TSBP1: variants seen among roughly 807,000 people sequenced by gnomAD.
TSBP1 encodes testis-expressed basic protein 1.
In TSBP1, 56 loss-of-function variants were observed where a neutral mutation model predicts 68.8. That is an observed-to-expected ratio of 0.81 (90% confidence interval 0.66 to 1.02). TSBP1 has a LOEUF of 1.02. TSBP1 is among the 50% of genes least tolerant of loss of function. The probability of loss-of-function intolerance (pLI) is 0.00; values close to 1 mark genes in which losing one functional copy is unlikely to be tolerated. For missense variants in TSBP1, 502 were observed against 641.2 expected (o/e 0.78, Z 2.34); for synonymous variants, 171 against 208.7 (o/e 0.82, Z 1.56).
intron 6 of TSBP1, among the ~76,000 whole-genome samples, chr6:32,360,880 TCTC>T (rs1354649757): frequency 9.2e-5 from 10 of 108,568 alleles, no homozygotes; most frequent in Admixed American, 2.9e-4. Context: ...TTTTTCTCTC[TCTC>T]TTTTTTTTTA....
At chr6:32,295,350 A>AC (rs1491234107) in intron 22 of TSBP1, among the ~76,000 whole-genome samples, 13,231 of 54,882 alleles carry the variant, frequency 0.24, 766 homozygotes, top group South Asian at 0.43. Context: ...ACACACACAC[A>AC]AAAAAAAAAA....
intron 4 of TSBP1, among the ~76,000 whole-genome samples, chr6:32,367,197 G>A (rs1476537176): frequency 6.6e-6 from 1 of 151,426 alleles, no homozygotes; most frequent in Non-Finnish European, 1.5e-5. Flanking sequence ...GGTTCTTGTT[G>A]AGTTCTGGAG....
chr6:32,353,777 G>T (rs2395148), intron 8 of TSBP1, among the ~76,000 whole-genome samples: 7,070 of 151,998 alleles, frequency 0.047, 243 homozygotes, highest in East Asian at 0.16. Context: ...TTACAAATCA[G>T]CAGAGAAAGA....
chr6:32,332,873 A>C (rs1769211415), intron 14 of TSBP1, among the ~76,000 whole-genome samples: 1 of 152,080 alleles, frequency 6.6e-6, no homozygotes, highest in Non-Finnish European at 1.5e-5. Context: ...TTAGCCTCCC[A>C]AAGTGCAGAA....
At chr6:32,317,389 T>C (rs367793777) in intron 18 of TSBP1, among the ~76,000 whole-genome samples, 36 of 152,182 alleles carry the variant, frequency 2.4e-4, no homozygotes, top group African/African-American at 8.2e-4. Flanking sequence ...ATTCTGGACA[T>C]AGGAATGGGC....
Position 32,340,541 on chromosome 6 carries a change from T to G in TSBP1, c.350-903A>C, listed in dbSNP as rs896352941. On this transcript the variant is annotated intron_variant, in intron 9 of 22. Coordinates refer to ENST00000612031, the Ensembl canonical transcript of TSBP1. This position sits in a 1 kb window ranked among gnomAD's most constrained non-coding sequence, Gnocchi z 4.8. The stretch of plus-strand genomic sequence containing the variant: ...AAGGACAGTTTTCATATACTTAATT[T>G]TTTAAGATTTAAGATATTAACCTAT... Among the ~76,000 whole-genome samples, 1 of 152,196 alleles carries G rather than the reference T, an allele frequency of 6.6e-6. No homozygotes were observed. The highest frequency in any genetic ancestry group is 1.5e-5 in the Non-Finnish European group (1 of 68,038).
chr6:32,331,762 A>G (rs930616610), intron 15 of TSBP1, among the ~76,000 whole-genome samples: 1 of 152,182 alleles, frequency 6.6e-6, no homozygotes, highest in African/African-American at 2.4e-5. Flanking sequence ...TGTAAGCAGC[A>G]GTGGGCACTG....
At chr6:32,348,893 T>C (rs572940927) in intron 9 of TSBP1, among the ~76,000 whole-genome samples, 1 of 152,324 alleles carries the variant, frequency 6.6e-6, no homozygotes, top group African/African-American at 2.4e-5. Flanking sequence ...ATGAATTTAT[T>C]ACTGTTTTGC....
chr6:32,338,962 G>A lies in TSBP1; in HGVS notation c.409+17C>T. The A allele has an allele frequency of 6.2e-7, 1 of 1,602,016 alleles. No individual in the cohort carries two copies. The highest frequency in any genetic ancestry group is 8.5e-7 in the Non-Finnish European group (1 of 1,170,094). ...AAGCAAAGCACATGAGAATTAAAGGGCAGAAAAAGAACTTACTCATGGCTC... is the reference window on the plus strand; with the variant it reads ...AAGCAAAGCACATGAGAATTAAAGGACAGAAAAAGAACTTACTCATGGCTC... On this transcript the variant is annotated intron_variant, in intron 11 of 22. Transcript: ENST00000612031. The surrounding 1 kb of genome is among the most constrained non-coding windows in gnomAD (Gnocchi z 5.5).
chr6:32,358,521 C>T (rs964750800), intron 6 of TSBP1, among the ~76,000 whole-genome samples: 7 of 151,880 alleles, frequency 4.6e-5, no homozygotes, highest in African/African-American at 7.3e-5. Flanking sequence ...CCCATTAACT[C>T]GTCATTTACA....
At chr6:32,324,835 C>A in intron 16 of TSBP1, 3 of 1,060,230 alleles carry the variant, frequency 2.8e-6, no homozygotes, top group Non-Finnish European at 4.0e-6. Flanking sequence ...TAATTATCAG[C>A]TGGTTGAATT....
At chr6:32,334,039 C>A in intron 14 of TSBP1, 2 of 217,654 alleles carry the variant, frequency 9.2e-6, no homozygotes, top group South Asian at 5.0e-5. Context: ...CTTATGATAC[C>A]TGCCCTCTTG....
chr6:32,296,231 C>T (rs542823700), intron 22 of TSBP1, among the ~76,000 whole-genome samples: 9 of 148,264 alleles, frequency 6.1e-5, no homozygotes, highest in African/African-American at 2.1e-4. Flanking sequence ...AATTGGCATA[C>T]ACATAACTTC....
At chr6:32,305,185 T>C (rs1765677071) in intron 19 of TSBP1, among the ~76,000 whole-genome samples, 1 of 152,166 alleles carries the variant, frequency 6.6e-6, no homozygotes, top group Non-Finnish European at 1.5e-5. Flanking sequence ...CGTTTAGGAT[T>C]AAAACAAGTT....
rs182774255 is a variant in TSBP1, at chr6:32,335,090, T to A, written c.472+347A>T. On this transcript the variant is annotated intron_variant, in intron 14 of 22. Transcript: ENST00000612031. The surrounding 1 kb of genome is among the most constrained non-coding windows in gnomAD (Gnocchi z 5.5). ...GCATTATTTTACAAAGTGAAGATAA[T>A]CTAATAATGGAAAAATTATTTGCAT... Among the ~76,000 whole-genome samples, 154 of 152,230 alleles carry A rather than the reference T, an allele frequency of 1.0e-3. No individual in the cohort carries two copies. The highest frequency in any genetic ancestry group is 3.2e-3 in the African/African-American group (131 of 41,542).
In TSBP1 at chr6:32,361,746, C is replaced by T. The variant is rs550253128; in HGVS notation, c.217+4421G>A. Among the ~76,000 whole-genome samples, 1 of 152,136 alleles carries T rather than the reference C, an allele frequency of 6.6e-6. No individual in the cohort carries two copies. The highest frequency in any genetic ancestry group is 2.4e-5 in the African/African-American group (1 of 41,500). On this transcript the variant is annotated intron_variant, in intron 6 of 22. Transcript: ENST00000612031. The surrounding 1 kb of genome is among the most constrained non-coding windows in gnomAD (Gnocchi z 4.3). ...GAACCTTAGTCCATTTTAAAATCAGCTTATTTGTTTCAGCTGTATTTTGAG... is the reference window on the plus strand; with the variant it reads ...GAACCTTAGTCCATTTTAAAATCAGTTTATTTGTTTCAGCTGTATTTTGAG...
chr6:32,332,099 A>G (rs1411719810), intron 14 of TSBP1, 45 bp from the exon 16 acceptor site: 15 of 1,445,744 alleles, frequency 1.0e-5, no homozygotes, highest in Non-Finnish European at 1.3e-5. Context: ...TTATTTGGAG[A>G]GTGTATTTTT....
At position 32,368,820 on chromosome 6, in the gene TSBP1, GA is replaced by G; in HGVS notation, c.101-7del. The G allele has an allele frequency of 6.3e-7, 1 of 1,587,456 alleles. No individual in the cohort carries two copies. Among genetic ancestry groups the G allele is most frequent in the South Asian group, 1.1e-5 (1 of 88,394 alleles). ...GTATCTGGAGATATACATTTCTGTG[GA>G]AGAATTAGGCAAAATGTTTTTATTA... On this transcript the variant is annotated splice_region_variant and splice_polypyrimidine_tract_variant and intron_variant, in intron 2 of 22. Coordinates refer to ENST00000612031, the Ensembl canonical transcript of TSBP1.
At position 32,304,543 on chromosome 6, in the gene TSBP1, G is replaced by A. The variant is rs1047023352; in HGVS notation, c.581-1914C>T. On this transcript the variant is annotated intron_variant, in intron 19 of 22. Transcript: ENST00000612031. The surrounding 1 kb of genome is among the most constrained non-coding windows in gnomAD (Gnocchi z 4.8). ...CCATTTTGAATGGCACGTATGATGG[G>A]TTATATAAGTGAAGGCCACTTTTTC... is the stretch of plus-strand genomic sequence containing the variant. Among the ~76,000 whole-genome samples, 1 of 152,090 alleles carries A rather than the reference G, an allele frequency of 6.6e-6. No homozygotes were observed. Among genetic ancestry groups the A allele is most frequent in the Admixed American group, 6.5e-5 (1 of 15,268 alleles).
Sources: gnomAD v4.1 joint callset for allele counts (sites outside exome capture counted in the v4.1 genomes callset) on GRCh38, gnomAD v4.1.1 for gene constraint, Gnocchi (gnomAD v3.1) non-coding constraint, MANE v1.5 for transcripts, NCBI Gene and HGNC (gene_info 2026-07-23, HGNC 2026-07-21) for gene names.